ADIPOR2: variants seen among roughly 807,000 people sequenced by gnomAD.
ADIPOR2 encodes the protein adiponectin receptor protein 2.
In ADIPOR2, 18 loss-of-function variants were observed where a neutral mutation model predicts 40.9. The observed-to-expected ratio is 0.44, with a 90% CI of 0.30 to 0.65. The LOEUF is 0.65. ADIPOR2 is among the 30% of genes least tolerant of loss of function. The pLI is 0.09. For missense variants in ADIPOR2, 283 were observed against 479.2 expected (o/e 0.59, Z 3.82); for synonymous variants, 165 against 166.4 (o/e 0.99, Z 0.06).
chr12:1,783,187 G>A (rs1271859211), intron 6 of ADIPOR2, among the ~76,000 whole-genome samples: 4 of 151,280 alleles, frequency 2.6e-5, no homozygotes, highest in Admixed American at 1.3e-4. Flanking sequence ...ATCATTCATC[G>A]CCTCTCCACC....
At chr12:1,773,516 C>CTTT (rs34995304) in intron 3 of ADIPOR2, among the ~76,000 whole-genome samples, 4 of 123,716 alleles carry the variant, frequency 3.2e-5, no homozygotes, top group South Asian at 2.6e-4. Flanking sequence ...TTATGGGATT[C>CTTT]TTTTTTTTTT....
At chr12:1,772,766 C>T in intron 2 of ADIPOR2, 76 bp from the exon 3 acceptor site, 5 of 1,486,658 alleles carry the variant, frequency 3.4e-6, no homozygotes, top group Non-Finnish European at 4.5e-6. Context: ...CATTATAATT[C>T]CACAAGGGAA....
intron 1 of ADIPOR2, among the ~76,000 whole-genome samples, chr12:1,741,585 A>G (rs1016860410): frequency 7.9e-5 from 12 of 152,336 alleles, no homozygotes; most frequent in South Asian, 2.1e-4. Context: ...AAAGCCTTCA[A>G]TCATTAAATA....
At chr12:1,744,482 C>T (rs529078192) in intron 1 of ADIPOR2, among the ~76,000 whole-genome samples, 7 of 151,942 alleles carry the variant, frequency 4.6e-5, no homozygotes, top group South Asian at 2.1e-4. Flanking sequence ...ACTATAGGCG[C>T]GTACCGCCAT....
At chr12:1,777,690 G>T (rs188174273) in intron 3 of ADIPOR2, among the ~76,000 whole-genome samples, 164 bp from the exon 4 acceptor site, 33 of 152,210 alleles carry the variant, frequency 2.2e-4, no homozygotes, top group African/African-American at 6.5e-4. Context: ...AGTCTTTAAA[G>T]AACTCAGAAT....
chr12:1,731,731 G>A (rs1219747714), intron 1 of ADIPOR2, among the ~76,000 whole-genome samples: 35 of 152,172 alleles, frequency 2.3e-4, no homozygotes, highest in Admixed American at 2.3e-3. Flanking sequence ...AGGCCGAGCT[G>A]GGCAGATCAC....
At chr12:1,706,449 A>AC (rs904871315) in intron 1 of ADIPOR2, among the ~76,000 whole-genome samples, 4 of 152,326 alleles carry the variant, frequency 2.6e-5, no homozygotes, top group African/African-American at 7.2e-5. Flanking sequence ...GGGAGTAAAG[A>AC]CTAGGGAGTA....
chr12:1,718,067 C>T (rs1348863423), intron 1 of ADIPOR2, among the ~76,000 whole-genome samples: 1 of 152,054 alleles, frequency 6.6e-6, no homozygotes, highest in East Asian at 1.9e-4. Context: ...CATCATTTTA[C>T]ATGTATACCT....
chr12:1,785,684 G>C (rs2154444611), intron 7 of ADIPOR2, among the ~76,000 whole-genome samples: 1 of 152,028 alleles, frequency 6.6e-6, no homozygotes, highest in South Asian at 2.1e-4. Flanking sequence ...TGGTTTCAGT[G>C]TTAAGTTTGT....
chr12:1,751,087 A>G (rs941737499), intron 1 of ADIPOR2, among the ~76,000 whole-genome samples: 5 of 152,070 alleles, frequency 3.3e-5, no homozygotes, highest in Non-Finnish European at 5.9e-5. Flanking sequence ...GTAGAATGCA[A>G]ATAGAGTAAA....
chr12:1,765,772 T>G (rs1862364647), intron 2 of ADIPOR2, among the ~76,000 whole-genome samples: 1 of 152,182 alleles, frequency 6.6e-6, no homozygotes, highest in Non-Finnish European at 1.5e-5. Flanking sequence ...GAGAAGTGCT[T>G]TCTTCTTTAT....
chr12:1,714,300 T>C (rs2094683453), intron 1 of ADIPOR2, among the ~76,000 whole-genome samples: 1 of 152,108 alleles, frequency 6.6e-6, no homozygotes, highest in Non-Finnish European at 1.5e-5. Flanking sequence ...CTTTTCAGCC[T>C]GTTCTTCTCG....
intron 1 of ADIPOR2, among the ~76,000 whole-genome samples, chr12:1,712,832 G>A (rs776368200): frequency 1.3e-5 from 2 of 152,094 alleles, no homozygotes; most frequent in Admixed American, 6.5e-5. Flanking sequence ...GGCTGTATTC[G>A]TTTCTTGCTG....
At chr12:1,771,614 A>AT (rs1862495812) in intron 2 of ADIPOR2, among the ~76,000 whole-genome samples, 1 of 152,224 alleles carries the variant, frequency 6.6e-6, no homozygotes, top group South Asian at 2.1e-4. Flanking sequence ...GGTGTATAAC[A>AT]TGTCTCACAT....
chr12:1,762,731 G>A (rs942525915), intron 2 of ADIPOR2, among the ~76,000 whole-genome samples: 1 of 152,168 alleles, frequency 6.6e-6, no homozygotes, highest in Non-Finnish European at 1.5e-5. Flanking sequence ...TCCTAAAGTA[G>A]CCTTTTAGAA....
chr12:1,761,707 G>A (rs1267731044), intron 2 of ADIPOR2, among the ~76,000 whole-genome samples: 2 of 152,172 alleles, frequency 1.3e-5, no homozygotes, highest in Non-Finnish European at 2.9e-5. Context: ...TAAAACTCAA[G>A]TTGTGTCAAT....
intron 1 of ADIPOR2, among the ~76,000 whole-genome samples, chr12:1,748,365 C>T (rs1267596983): frequency 1.3e-5 from 2 of 152,108 alleles, no homozygotes; most frequent in Non-Finnish European, 2.9e-5. Context: ...TCTCCTGCCT[C>T]AGCCTCCCGA....
chr12:1,786,144 C>G lies in ADIPOR2; in HGVS notation c.*72C>G. On this transcript the variant is annotated 3_prime_UTR_variant, in exon 8 of 8. Coordinates refer to ENST00000357103, the MANE Select transcript of ADIPOR2 (RefSeq NM_024551.3). The stretch of plus-strand genomic sequence containing the variant: ...CACTTGCGGGCCTCCCTGCTGGCTA[C>G]TGATGCCAGTACCAGAGGAGCCCCA... 1 of 1,559,960 alleles carries G rather than the reference C, an allele frequency of 6.4e-7. No individual in the cohort carries two copies. Among genetic ancestry groups the G allele is most frequent in the Non-Finnish European group, 8.7e-7 (1 of 1,154,878 alleles).
At chr12:1,768,561 G>A (rs1433567509) in intron 2 of ADIPOR2, among the ~76,000 whole-genome samples, 1 of 152,114 alleles carries the variant, frequency 6.6e-6, no homozygotes, top group African/African-American at 2.4e-5. Flanking sequence ...ATAAATATTT[G>A]TTAAACTGAA....
Sources: allele counts gnomAD v4.1 joint callset (sites outside exome capture counted in the v4.1 genomes callset), GRCh38; gene constraint gnomAD v4.1.1; transcripts MANE v1.5; gene names NCBI Gene and HGNC (gene_info 2026-07-23, HGNC 2026-07-21).